The following VPS13B variants were observed in gnomAD, a reference collection of about 807,000 sequenced individuals.
VPS13B encodes vacuolar protein sorting 13 homolog B.
A neutral mutation model predicts 426.4 loss-of-function variants in VPS13B; 285 were observed. The ratio of observed to expected loss-of-function variants is 0.67; its 90% CI spans 0.61 to 0.74. VPS13B has a LOEUF of 0.74. Among genes scored for constraint, VPS13B ranks in the 30% least tolerant of loss-of-function variants. The pLI, the probability that VPS13B is intolerant of heterozygous loss-of-function variation, is 0.00. For missense variants in VPS13B, 4,537 were observed against 4,782.6 expected, an observed-to-expected ratio of 0.95 and a Z score of 1.51; for synonymous variants, 1,676 against 1,676.4, an observed-to-expected ratio of 1.00 and a Z score of 0.01.
At chr8:99,625,609 C>T (rs1828577469) in intron 33 of VPS13B, among the ~76,000 whole-genome samples, 1 of 152,034 alleles carries the variant, frequency 6.6e-6, no homozygotes, top group Admixed American at 6.5e-5. Context: ...AATCCTAACA[C>T]TTTGGGAAGC....
chr8:99,523,668 C>T (rs2133676390), intron 30 of VPS13B, among the ~76,000 whole-genome samples: 1 of 152,300 alleles, frequency 6.6e-6, no homozygotes, highest in South Asian at 2.1e-4. Flanking sequence ...TGTTACTGGG[C>T]TTGGGTTACT....
At chr8:99,670,127 T>C (rs933066735) in intron 35 of VPS13B, among the ~76,000 whole-genome samples, 7 of 152,078 alleles carry the variant, frequency 4.6e-5, no homozygotes, top group African/African-American at 1.7e-4. Context: ...CCTGCTTTTA[T>C]GTTATTACTG....
chr8:99,254,363 A>G (rs1817646027), intron 17 of VPS13B, among the ~76,000 whole-genome samples: 1 of 151,650 alleles, frequency 6.6e-6, no homozygotes, highest in South Asian at 2.1e-4. Flanking sequence ...ATGTCATGCT[A>G]TTTCCTCCTG....
chr8:99,850,206 T>C (rs935049743), intron 55 of VPS13B, among the ~76,000 whole-genome samples: 1 of 133,524 alleles, frequency 7.5e-6, no homozygotes, highest in Non-Finnish European at 1.6e-5. Context: ...AGTACGCATG[T>C]ATGTACTTAT....
intron 21 of VPS13B, among the ~76,000 whole-genome samples, chr8:99,425,827 T>C (rs1463605802): frequency 6.6e-6 from 1 of 152,198 alleles, no homozygotes; most frequent in African/African-American, 2.4e-5. Context: ...CAAAATCTCC[T>C]TAAGCTGATA....
chr8:99,478,287 T>C (rs1366420057), intron 24 of VPS13B, among the ~76,000 whole-genome samples: 2 of 151,832 alleles, frequency 1.3e-5, no homozygotes, highest in Non-Finnish European at 2.9e-5. Context: ...ATTCATTTAT[T>C]TATCGTTTTT....
At chr8:99,807,699 G>A (rs570251393) in intron 43 of VPS13B, among the ~76,000 whole-genome samples, 1 of 151,428 alleles carries the variant, frequency 6.6e-6, no homozygotes, top group South Asian at 2.1e-4. Flanking sequence ...GTGTGTGTGT[G>A]TGTGTACGCA....
intron 35 of VPS13B, among the ~76,000 whole-genome samples, chr8:99,695,678 C>T (rs2130135697): frequency 7.0e-6 from 1 of 143,862 alleles, no homozygotes; most frequent in East Asian, 2.0e-4. Context: ...TGCACATGTA[C>T]CCTAAAACTT....
At chr8:99,297,114 T>C (rs1035314401) in intron 19 of VPS13B, among the ~76,000 whole-genome samples, 1 of 152,184 alleles carries the variant, frequency 6.6e-6, no homozygotes, top group Non-Finnish European at 1.5e-5. Context: ...GATGCTAAAA[T>C]GTAAAATGAA....
At chr8:99,861,070 AC>A (rs2130939025) in intron 57 of VPS13B, among the ~76,000 whole-genome samples, 1 of 152,360 alleles carries the variant, frequency 6.6e-6, no homozygotes, top group East Asian at 1.9e-4. Flanking sequence ...AAACTTAGCA[AC>A]ATAACTTTAC....
intron 23 of VPS13B, among the ~76,000 whole-genome samples, chr8:99,444,529 A>G (rs1040839523): frequency 1.3e-5 from 2 of 152,134 alleles, no homozygotes; most frequent in Admixed American, 1.3e-4. Context: ...ACTGGTGTTT[A>G]TTTTTACTAT....
intron 35 of VPS13B, among the ~76,000 whole-genome samples, chr8:99,676,868 A>G (rs1259521668): frequency 6.6e-6 from 1 of 152,036 alleles, no homozygotes; most frequent in African/African-American, 2.4e-5. Context: ...AGAGGCTCAC[A>G]CCTGTAATCC....
intron 35 of VPS13B, among the ~76,000 whole-genome samples, chr8:99,671,046 T>C (rs180681009): frequency 1.3e-5 from 2 of 152,306 alleles, no homozygotes; most frequent in African/African-American, 2.4e-5. Flanking sequence ...TTTTAATTGA[T>C]TGAGGAATCT....
At chr8:99,614,924 C>T (rs1309214770) in intron 33 of VPS13B, among the ~76,000 whole-genome samples, 2 of 151,726 alleles carry the variant, frequency 1.3e-5, no homozygotes, top group South Asian at 4.2e-4. Flanking sequence ...TCGAGACCAG[C>T]CTGACCAACA....
rs181719001 is a variant in VPS13B, at chr8:99,419,357, T to C, written c.3083-12180T>C. On this transcript the variant is annotated intron_variant, in intron 21 of 61. Coordinates refer to ENST00000357162, the MANE Select transcript of VPS13B (RefSeq NM_152564.5). ...GTGAGTCAATTAAACCTCTTGTCTTTATAAATTACCCAGTCTCAGTTAGTT... is the reference window on the plus strand; with the variant it reads ...GTGAGTCAATTAAACCTCTTGTCTTCATAAATTACCCAGTCTCAGTTAGTT... 4.4e-3 allele frequency among the ~76,000 whole-genome samples: 670 copies of C among 152,310 alleles called. 6 individuals carry two copies. Among genetic ancestry groups the C allele is most frequent in the Non-Finnish European group, 6.2e-3 (420 of 68,032 alleles).
At chr8:99,246,849 C>CAA (rs11312937) in intron 17 of VPS13B, among the ~76,000 whole-genome samples, 1 of 135,830 alleles carries the variant, frequency 7.4e-6, no homozygotes. Flanking sequence ...GACTCTGTCT[C>CAA]AAAAAAAAAA....
At chr8:99,505,339 C>A (rs1002404729) in intron 27 of VPS13B, among the ~76,000 whole-genome samples, 1 of 152,184 alleles carries the variant, frequency 6.6e-6, no homozygotes, top group Non-Finnish European at 1.5e-5. Flanking sequence ...TTTTGATATG[C>A]CTTCCTCACT....
chr8:99,771,758 T>C (rs1811504008), intron 40 of VPS13B, among the ~76,000 whole-genome samples: 2 of 152,180 alleles, frequency 1.3e-5, no homozygotes, highest in African/African-American at 2.4e-5. Flanking sequence ...GCTACTTGGG[T>C]CTGCCCTTTT....
chr8:99,506,763 G>A (rs907027026), intron 27 of VPS13B, among the ~76,000 whole-genome samples: 1 of 152,110 alleles, frequency 6.6e-6, no homozygotes, highest in African/African-American at 2.4e-5. Context: ...AGGCTAAGGT[G>A]GGTGGATTGC....
Sources: gnomAD v4.1 joint callset for allele counts (sites outside exome capture counted in the v4.1 genomes callset) on GRCh38, gnomAD v4.1.1 for gene constraint, MANE v1.5 for transcripts, NCBI Gene and HGNC (gene_info 2026-07-23, HGNC 2026-07-21) for gene names.